The following PCDHGA8 variants were observed in gnomAD, a reference collection of about 807,000 sequenced individuals.
PCDHGA8 encodes the protein protocadherin gamma-A8.
PCDHGA8 carries 45 observed loss-of-function variants against 59.2 expected under a neutral mutation model. That is an observed-to-expected ratio of 0.76 (90% CI 0.60 to 0.98). The LOEUF is 0.98. PCDHGA8 is among the 50% of genes least tolerant of loss of function. The pLI, the probability that PCDHGA8 is intolerant of heterozygous loss-of-function variation, is 0.00. For synonymous variants in PCDHGA8, 531 were observed against 519.0 expected, an observed-to-expected ratio of 1.02 and a Z score of -0.32; for missense variants, 1,257 against 1,196.2, an observed-to-expected ratio of 1.05 and a Z score of -0.75.
At chr5:141,445,148 C>T (rs1051995635) in intron 1 of PCDHGA8, among the ~76,000 whole-genome samples, 3 of 152,092 alleles carry the variant, frequency 2.0e-5, no homozygotes, top group Non-Finnish European at 4.4e-5. Context: ...TCTAATTGTT[C>T]ATTTCTAGTT....
rs748803155 is a variant in PCDHGA8, at chr5:141,490,087, G to A, written c.2425-4720G>A. On this transcript the variant is annotated intron_variant, in intron 1 of 3. Coordinates refer to ENST00000398604, the MANE Select transcript of PCDHGA8 (RefSeq NM_032088.2). The surrounding 1 kb of genome is among the most constrained non-coding windows in gnomAD (Gnocchi z 5.4). ...CGGCCAACTAGACTATTCTTTTGGA[G>A]ACCACACATCTGAGGCAGTGCGGAA... 2.5e-6 allele frequency: 4 copies of A among 1,614,244 alleles called. No homozygotes were observed. The highest frequency in any genetic ancestry group is 1.3e-5 in the African/African-American group (1 of 75,068).
At chr5:141,408,220 G>C (rs2095061412) in intron 1 of PCDHGA8, 1 of 1,558,876 alleles carries the variant, frequency 6.4e-7, no homozygotes, top group Non-Finnish European at 8.7e-7. Flanking sequence ...GGAGCTGCGC[G>C]CAGAGGCGCC....
chr5:141,458,390 C>T (rs2098944487), intron 1 of PCDHGA8, among the ~76,000 whole-genome samples: 1 of 152,058 alleles, frequency 6.6e-6, no homozygotes, highest in Non-Finnish European at 1.5e-5. Context: ...GAAGACGCTC[C>T]CCCTTGCAGA....
chr5:141,419,834 A>C, intron 1 of PCDHGA8: 1 of 1,614,072 alleles, frequency 6.2e-7, no homozygotes, highest in Non-Finnish European at 8.5e-7. Context: ...AGCCACTGCC[A>C]CGCTGCACCT....
chr5:141,456,446 T>C (rs1053843910), intron 1 of PCDHGA8, among the ~76,000 whole-genome samples: 2 of 151,782 alleles, frequency 1.3e-5, no homozygotes, highest in Admixed American at 1.3e-4. Context: ...GTATACAGAG[T>C]CCAAATATCA....
At chr5:141,408,396 A>G (rs764101918) in intron 1 of PCDHGA8, 18 of 1,614,020 alleles carry the variant, frequency 1.1e-5, no homozygotes, top group South Asian at 5.5e-5. Flanking sequence ...TCGGCTCGCA[A>G]GCTGCGAGTG....
rs777925358 is a variant in PCDHGA8 at position 141,477,657 on chromosome 5, G to T, written c.2425-17150G>T. ...GTGGGTCGCTATTTCACAATAAATC[G>T]TGACAATGGCATAGTGTCATCCTTA... On this transcript the variant is annotated intron_variant, in intron 1 of 3. Transcript: ENST00000398604. This position sits in a 1 kb window ranked among gnomAD's most constrained non-coding sequence, Gnocchi z 4.9. 6.8e-6 allele frequency: 11 copies of T among 1,614,072 alleles called. No individual in the cohort carries two copies. Among genetic ancestry groups the T allele is most frequent in the South Asian group, 2.2e-5 (2 of 91,090 alleles).
At position 141,494,925 on chromosome 5, in the gene PCDHGA8, G is replaced by A. The variant is rs936071950; in HGVS notation, c.2483+60G>A. On this transcript the variant is annotated intron_variant, in intron 2 of 3. Coordinates refer to ENST00000398604, the MANE Select transcript of PCDHGA8 (RefSeq NM_032088.2). ...TGCGGCATTTTCTCAGGGATGACGT[G>A]GGAGGAGATGGGGGAGGGCCCAGCA... is the stretch of plus-strand genomic sequence containing the variant. The A allele has an allele frequency of 3.3e-4, 525 of 1,613,316 alleles. 2 individuals carry two copies. Among genetic ancestry groups the A allele is most frequent in the Admixed American group, 4.7e-4 (28 of 59,956 alleles).
intron 1 of PCDHGA8, among the ~76,000 whole-genome samples, chr5:141,472,924 T>G (rs1247655318): frequency 2.0e-5 from 3 of 147,960 alleles, no homozygotes; most frequent in African/African-American, 7.5e-5. Flanking sequence ...AGGAGGAGGT[T>G]GTGGTGAGCC....
intron 1 of PCDHGA8, chr5:141,409,940 C>T (rs1368587420): frequency 1.2e-5 from 19 of 1,613,118 alleles, no homozygotes; most frequent in Non-Finnish European, 1.6e-5. Context: ...TATGGTACCT[C>T]GCTCTGCAGA....
rs776189143 is a variant in PCDHGA8, at chr5:141,422,957, A to G, written c.2424+27720A>G. 11 of 1,614,190 alleles carry G rather than the reference A, an allele frequency of 6.8e-6. 1 individual carries two copies. The South Asian group carries it at 7.7e-5, about 11-fold the overall frequency. Reference sequence around the variant, plus strand: ...CCCACAGACGGCTCCACTGGCGTGGAGCTGGCGCCCCGCTCTGCGGAACCT... The same window carrying G: ...CCCACAGACGGCTCCACTGGCGTGGGGCTGGCGCCCCGCTCTGCGGAACCT... On this transcript the variant is annotated intron_variant, in intron 1 of 3. Coordinates refer to ENST00000398604, the MANE Select transcript of PCDHGA8 (RefSeq NM_032088.2).
rs1195316502 is a variant in PCDHGA8 at position 141,431,006 on chromosome 5, A to G, written c.2424+35769A>G. 1.2e-6 allele frequency: 2 copies of G among 1,614,116 alleles called. No individual in the cohort carries two copies. Among genetic ancestry groups the G allele is most frequent in the South Asian group, 2.2e-5 (2 of 91,078 alleles). ...TTTCGCCCTGAATCCGCGCAGCGGC[A>G]GCTTGGTCACGGCGGGCAGGATAGA... On this transcript the variant is annotated intron_variant, in intron 1 of 3. Transcript: ENST00000398604. The surrounding 1 kb of genome is among the most constrained non-coding windows in gnomAD (Gnocchi z 4.8).
At chr5:141,441,911 T>TGAG in intron 1 of PCDHGA8, 1 of 348,148 alleles carries the variant, frequency 2.9e-6, no homozygotes, top group Non-Finnish European at 5.5e-6. Context: ...GACGCAGATG[T>TGAG]GAGACACAAT....
At chr5:141,422,762 C>T in intron 1 of PCDHGA8, 1 of 1,613,392 alleles carries the variant, frequency 6.2e-7, no homozygotes. Flanking sequence ...AACTCCAACA[C>T]TGGTGTTCTC....
Position 141,476,658 on chromosome 5 carries a change from C to A in PCDHGA8, c.2425-18149C>A, listed in dbSNP as rs182518072. On this transcript the variant is annotated intron_variant, in intron 1 of 3. Transcript: ENST00000398604. The surrounding 1 kb of genome is among the most constrained non-coding windows in gnomAD (Gnocchi z 7.6). ...GAGCTGAGCCGAAATGAATACTTTGCGCTTCGCGTGCAGACGCGGGAGGAC... is the reference window on the plus strand; with the variant it reads ...GAGCTGAGCCGAAATGAATACTTTGAGCTTCGCGTGCAGACGCGGGAGGAC... 2 of 1,614,244 alleles carry A rather than the reference C, an allele frequency of 1.2e-6. No homozygotes were observed. The highest frequency in any genetic ancestry group is 2.2e-5 in the East Asian group (1 of 44,878).
Position 141,431,135 on chromosome 5 carries a change from A to C in PCDHGA8, c.2424+35898A>C. ...TGGAGTAGAAGTAGAAGTAAGGGAC[A>C]TTAACGACAATGCGCCTTACTTTCG... On this transcript the variant is annotated intron_variant, in intron 1 of 3. Coordinates refer to ENST00000398604, the MANE Select transcript of PCDHGA8 (RefSeq NM_032088.2). The surrounding 1 kb of genome is among the most constrained non-coding windows in gnomAD (Gnocchi z 4.8). 1 of 1,614,266 alleles carries C rather than the reference A, an allele frequency of 6.2e-7. No homozygotes were observed. Among genetic ancestry groups the C allele is most frequent in the Non-Finnish European group, 8.5e-7 (1 of 1,180,042 alleles).
At chr5:141,448,730 G>A (rs1419700194) in intron 1 of PCDHGA8, among the ~76,000 whole-genome samples, 1 of 152,072 alleles carries the variant, frequency 6.6e-6, no homozygotes, top group African/African-American at 2.4e-5. Context: ...CACGAGGTCA[G>A]GAGATCGAGA....
intron 3 of PCDHGA8, among the ~76,000 whole-genome samples, chr5:141,508,761 C>G (rs943236216): frequency 6.6e-6 from 1 of 151,974 alleles, no homozygotes; most frequent in Admixed American, 6.6e-5. Context: ...TCTGGCGCCT[C>G]TGAGGTCCCC....
Position 141,476,854 on chromosome 5 carries a change from G to A in PCDHGA8, c.2425-17953G>A. The A allele has an allele frequency of 6.2e-7, 1 of 1,613,860 alleles. No individual in the cohort carries two copies. The highest frequency in any genetic ancestry group is 1.1e-5 in the South Asian group (1 of 91,088). ...ATGACAATGCGCCTGTCTTCAACCA[G>A]TCCTTGTACCGGGCGCGCGTCCTGG... On this transcript the variant is annotated intron_variant, in intron 1 of 3. Transcript: ENST00000398604. This position sits in a 1 kb window ranked among gnomAD's most constrained non-coding sequence, Gnocchi z 7.6.
Sources: gnomAD v4.1 joint callset for allele counts (sites outside exome capture counted in the v4.1 genomes callset) on GRCh38, gnomAD v4.1.1 for gene constraint, Gnocchi (gnomAD v3.1) non-coding constraint, MANE v1.5 for transcripts, NCBI Gene and HGNC (gene_info 2026-07-23, HGNC 2026-07-21) for gene names.